The following PLXNB1 variants were observed in gnomAD, a reference collection of about 807,000 sequenced individuals.
PLXNB1 encodes plexin-B1.
Under a neutral mutation model 209.4 loss-of-function variants are expected in PLXNB1, and 106 were observed. The observed-to-expected ratio is 0.51, with a 90% CI of 0.43 to 0.59. PLXNB1 has a LOEUF of 0.59. PLXNB1 is among the 20% of genes least tolerant of loss of function. The pLI is 0.00. For missense variants in PLXNB1, 2,357 were observed against 2,853.2 expected (o/e 0.83, Z 3.96); for synonymous variants, 1,167 against 1,183.2 (o/e 0.99, Z 0.28).
rs60044671 is a variant in PLXNB1 at position 48,409,848 on chromosome 3, C to G, written c.5778+57G>C. On this transcript the variant is annotated intron_variant, in intron 32 of 37. Coordinates refer to ENST00000296440, the MANE Select transcript of PLXNB1 (RefSeq NM_001130082.3). This position sits in a 1 kb window ranked among gnomAD's most constrained non-coding sequence, Gnocchi z 5.8. ...AGCCCCACACCACCCCCAAATCCCA[C>G]GAGTGGCCATGCTCCCTCTCAGCCC... The G allele has an allele frequency of 6.3e-7, 1 of 1,580,172 alleles. No individual in the cohort carries two copies. The highest frequency in any genetic ancestry group is 1.1e-5 in the South Asian group (1 of 87,768).
chr3:48,414,973 C>A lies in PLXNB1; in HGVS notation c.4035G>T (p.Leu1345=). 1.9e-6 allele frequency: 3 copies of A among 1,613,834 alleles called. No individual in the cohort carries two copies. Among genetic ancestry groups the A allele is most frequent in the Non-Finnish European group, 2.5e-6 (3 of 1,180,040 alleles). ...CCACCCGGACCCAGGGGTCCTCAGG[C>A]AGGCCTGGGAGGGCAGGTGTGCGGC... ...ITCRTPALPG[L]PEDPWVRVEF... Residue 1345 remains leucine (L), a synonymous_variant, in exon 21 of 38, where the codon CTG becomes CTT. Coordinates refer to ENST00000296440, the MANE Select transcript of PLXNB1 (RefSeq NM_001130082.3).
chr3:48,415,873 G>A lies in PLXNB1; in HGVS notation c.3618-114C>T, dbSNP rs923522660. ...CTGCAGTCTCCACCAGGTGTCCCTGGAGGTGCACTCCCACCACAGCTGGCT... is the reference window on the plus strand; with the variant it reads ...CTGCAGTCTCCACCAGGTGTCCCTGAAGGTGCACTCCCACCACAGCTGGCT... On this transcript the variant is annotated intron_variant, in intron 18 of 37. Transcript: ENST00000296440. The surrounding 1 kb of genome is among the most constrained non-coding windows in gnomAD (Gnocchi z 5.0). The A allele has an allele frequency of 1.5e-6, 2 of 1,343,424 alleles. No individual in the cohort carries two copies. Among genetic ancestry groups the A allele is most frequent in the Admixed American group, 4.3e-5 (2 of 46,510 alleles). 83.2% of individuals were successfully genotyped at this position (1,343,424 alleles called of 1,614,324 possible). A position where few individuals can be genotyped will look rare whatever the true frequency, so the allele number is the denominator to read the frequency against.
intron 1 of PLXNB1, among the ~76,000 whole-genome samples, chr3:48,426,130 C>A (rs1207227421): frequency 6.6e-6 from 1 of 152,184 alleles, no homozygotes; most frequent in Non-Finnish European, 1.5e-5. Flanking sequence ...TCCTCTCCTG[C>A]AGTTCAGAAT....
chr3:48,415,916 T>G lies in PLXNB1; in HGVS notation c.3617+115A>C, dbSNP rs2038062045. The G allele has an allele frequency of 1.0e-5, 14 of 1,391,802 alleles. No homozygotes were observed. In the East Asian group the frequency reaches 3.5e-4, roughly 35 times the overall value. The allele number at this position is 1,391,802 out of a possible 1,614,324, so 86.2% of individuals were successfully genotyped here. On this transcript the variant is annotated intron_variant, in intron 18 of 37. Transcript: ENST00000296440. This position sits in a 1 kb window ranked among gnomAD's most constrained non-coding sequence, Gnocchi z 5.0. ...AGCTGGCTAGGGAGGGTCTGGCCAC[T>G]CTCTGAAGGAGCAGACTGGCCCTCT...
In PLXNB1 at chr3:48,418,099, T is replaced by C; in HGVS notation, c.3223-37A>G. 6.2e-7 allele frequency: 1 copy of C among 1,607,984 alleles called. No individual in the cohort carries two copies. The highest frequency in any genetic ancestry group is 8.5e-7 in the Non-Finnish European group (1 of 1,176,114). On this transcript the variant is annotated intron_variant, in intron 15 of 37. Transcript: ENST00000296440. The surrounding 1 kb of genome is among the most constrained non-coding windows in gnomAD (Gnocchi z 6.6). ...CAAGGACTGCTCACCTCTACTCAAC[T>C]GGAAAGGCAGCCCCAACCTCCCACC... is the stretch of plus-strand genomic sequence containing the variant.
chr3:48,422,801 G>A lies in PLXNB1; in HGVS notation c.1254C>T (p.Ile418=), dbSNP rs899231872. 8 of 1,613,984 alleles carry A rather than the reference G, an allele frequency of 5.0e-6. No individual in the cohort carries two copies. The South Asian group carries it at 5.5e-5, about 11-fold the overall frequency. The change falls in exon 4 of 38, where the codon ATC becomes ATT. Residue 418 remains isoleucine (I), a synonymous_variant. Transcript: ENST00000296440. ...VAVTMEDGHT[I]AFLGDSQGQL... is the part of the protein sequence containing the mutation. The stretch of plus-strand genomic sequence containing the variant: ...GCCCTTGACTATCACCCAGGAAAGC[G>A]ATGGTGTGTCCATCTTCCATGGTGA...
Position 48,429,860 on chromosome 3 carries a change from T to C in PLXNB1, c.-60+148A>G, listed in dbSNP as rs2039104328. 1 of 151,926 alleles carries C rather than the reference T, an allele frequency of 6.6e-6. No homozygotes were observed. The highest frequency in any genetic ancestry group is 6.6e-5 in the Admixed American group (1 of 15,262). 9.4% of individuals were successfully genotyped at this position (151,926 alleles called of 1,614,324 possible). On this transcript the variant is annotated intron_variant, in intron 1 of 37. Coordinates refer to ENST00000296440, the MANE Select transcript of PLXNB1 (RefSeq NM_001130082.3). This position sits in a 1 kb window ranked among gnomAD's most constrained non-coding sequence, Gnocchi z 6.4. ...GTGCTGGTGGAACAGCGTCCCGGCC[T>C]CTTCCCGCCCGTCCAGAGCCGGGTA...
chr3:48,405,667 T>C lies in PLXNB1; in HGVS notation c.6303+57A>G. On this transcript the variant is annotated intron_variant, in intron 37 of 37. Transcript: ENST00000296440. This position sits in a 1 kb window ranked among gnomAD's most constrained non-coding sequence, Gnocchi z 5.0. The stretch of plus-strand genomic sequence containing the variant: ...CGTGAGTCACAGGGTCAGAGCCCCT[T>C]AAGTCTCCTGGGAGGCCTTGGGTCA... The C allele has an allele frequency of 2.2e-6, 3 of 1,377,914 alleles. No individual in the cohort carries two copies. Among genetic ancestry groups the C allele is most frequent in the Admixed American group, 1.8e-5 (1 of 57,110 alleles). 85.4% of individuals were successfully genotyped at this position (1,377,914 alleles called of 1,614,324 possible).
Position 48,425,851 on chromosome 3 carries a change from C to T in PLXNB1, c.-59-518G>A, listed in dbSNP as rs564835898. On this transcript the variant is annotated intron_variant, in intron 1 of 37. Coordinates refer to ENST00000296440, the MANE Select transcript of PLXNB1 (RefSeq NM_001130082.3). ...ACACACACACAGAGAGAGAGAGATG[C>T]AGATGCCATCTATACACACAGCACA... Among the ~76,000 whole-genome samples, 9 of 151,228 alleles carry T rather than the reference C, an allele frequency of 6.0e-5. No individual in the cohort carries two copies. The South Asian group carries it at 1.7e-3, about 28-fold the overall frequency.
chr3:48,409,802 C>T lies in PLXNB1; in HGVS notation c.5779-71G>A. 1 of 1,582,520 alleles carries T rather than the reference C, an allele frequency of 6.3e-7. No homozygotes were observed. On this transcript the variant is annotated intron_variant, in intron 32 of 37. Coordinates refer to ENST00000296440, the MANE Select transcript of PLXNB1 (RefSeq NM_001130082.3). The surrounding 1 kb of genome is among the most constrained non-coding windows in gnomAD (Gnocchi z 5.8). ...CAGCAGCAGCCCAGCCTCAGACACC[C>T]CCCGGCACTGTGCCTGCACGAGCCC... is the stretch of plus-strand genomic sequence containing the variant.
intron 34 of PLXNB1, 130 bp from the exon 35 acceptor site, chr3:48,407,221 GC>G: frequency 1.2e-6 from 1 of 810,648 alleles, no homozygotes; most frequent in Non-Finnish European, 2.0e-6. Context: ...ATCCCAGGAA[GC>G]CCCTGAGTCC....
In PLXNB1 at chr3:48,417,838, A is replaced by C; in HGVS notation, c.3374+73T>G. On this transcript the variant is annotated intron_variant, in intron 16 of 37. Coordinates refer to ENST00000296440, the MANE Select transcript of PLXNB1 (RefSeq NM_001130082.3). This position sits in a 1 kb window ranked among gnomAD's most constrained non-coding sequence, Gnocchi z 4.4. ...GGGGGGCAGATGAGCGGTGGGTGGG[A>C]GGCCCCAAGCAGCAACGCCAACCGC... 3.5e-6 allele frequency: 5 copies of C among 1,448,996 alleles called. No homozygotes were observed. Among genetic ancestry groups the C allele is most frequent in the Non-Finnish European group, 3.8e-6 (4 of 1,057,420 alleles). The allele number at this position is 1,448,996 out of a possible 1,614,324, so 89.8% of individuals were successfully genotyped here. A position where few individuals can be genotyped will look rare whatever the true frequency, so the allele number is the denominator to read the frequency against.
chr3:48,409,825 C>A lies in PLXNB1; in HGVS notation c.5778+80G>T. 1.9e-6 allele frequency: 3 copies of A among 1,573,608 alleles called. No individual in the cohort carries two copies. Among genetic ancestry groups the A allele is most frequent in the Non-Finnish European group, 2.6e-6 (3 of 1,153,712 alleles). ...CCCCCCGGCACTGTGCCTGCACGAG[C>A]CCCACACCACCCCCAAATCCCACGA... is the stretch of plus-strand genomic sequence containing the variant. On this transcript the variant is annotated intron_variant, in intron 32 of 37. Coordinates refer to ENST00000296440, the MANE Select transcript of PLXNB1 (RefSeq NM_001130082.3). This position sits in a 1 kb window ranked among gnomAD's most constrained non-coding sequence, Gnocchi z 5.8.
In PLXNB1 at chr3:48,413,453, G is replaced by A. The variant is rs2037837263; in HGVS notation, c.4535+217C>T. ...TTTTATAAAGATTTGTTAGAACACAGCCACTTTCATGTGTTTCCATGTCGT... is the reference window on the plus strand; with the variant it reads ...TTTTATAAAGATTTGTTAGAACACAACCACTTTCATGTGTTTCCATGTCGT... On this transcript the variant is annotated intron_variant, in intron 23 of 37. Transcript: ENST00000296440. The surrounding 1 kb of genome is among the most constrained non-coding windows in gnomAD (Gnocchi z 5.4). The A allele has an allele frequency of 6.6e-6, 4 of 606,624 alleles. No individual in the cohort carries two copies. The highest frequency in any genetic ancestry group is 1.2e-5 in the Non-Finnish European group (4 of 345,456). The allele number at this position is 606,624 out of a possible 1,614,324, so 37.6% of individuals were successfully genotyped here.
rs1347346167 is a variant in PLXNB1 at position 48,415,204 on chromosome 3, G to C, written c.3938C>G (p.Ser1313Cys). The change falls in exon 20 of 38, where the codon TCC becomes TGC. Residue 1313 changes from serine (S) to cysteine (C), a missense_variant. Ser to Cys is a moderately radical substitution (Grantham distance 112, BLOSUM62 -1). Transcript: ENST00000296440. This position sits in a 1 kb window ranked among gnomAD's most constrained non-coding sequence, Gnocchi z 5.0. ...RRRVVPETACSLGPSCSSQQF... is the reference protein window; with the variant it reads ...RRRVVPETACCLGPSCSSQQF... ...CTGGCTACTGCAGGAGGGTCCAAGG[G>C]AACATGCCGTCTCCGGGACCACGCG... The C allele has an allele frequency of 1.2e-6, 2 of 1,613,428 alleles. No homozygotes were observed. The highest frequency in any genetic ancestry group is 1.7e-6 in the Non-Finnish European group (2 of 1,179,958).
chr3:48,418,592 G>A lies in PLXNB1; in HGVS notation c.2956-50C>T, dbSNP rs1488447372. 6.8e-7 allele frequency: 1 copy of A among 1,469,802 alleles called. No homozygotes were observed. Among genetic ancestry groups the A allele is most frequent in the South Asian group, 1.2e-5 (1 of 83,298 alleles). The allele number at this position is 1,469,802 out of a possible 1,614,324, so 91.0% of individuals were successfully genotyped here. Reference sequence around the variant, plus strand: ...AGTCAAGCACTGGGGGAAGTGTCAGGCCTGGGGAGGGGTTAGTCAGAGAAA... The same window carrying A: ...AGTCAAGCACTGGGGGAAGTGTCAGACCTGGGGAGGGGTTAGTCAGAGAAA... On this transcript the variant is annotated intron_variant, in intron 13 of 37. Coordinates refer to ENST00000296440, the MANE Select transcript of PLXNB1 (RefSeq NM_001130082.3). The surrounding 1 kb of genome is among the most constrained non-coding windows in gnomAD (Gnocchi z 6.6).
chr3:48,417,922 C>G lies in PLXNB1; in HGVS notation c.3363G>C (p.Glu1121Asp). The G allele has an allele frequency of 6.2e-7, 1 of 1,610,732 alleles. No individual in the cohort carries two copies. The highest frequency in any genetic ancestry group is 8.5e-7 in the Non-Finnish European group (1 of 1,178,184). ...VPCAVDAQEY[E>D]VSSSLVCITG... is the part of the protein sequence containing the mutation. ...TGCAGCCAGCTTACCTGCTGGAGAC[C>G]TCGTACTCCTGGGCATCCACAGCAC... The change falls in exon 16 of 38, where the codon GAG (glutamate) becomes GAC (aspartate). Residue 1121 changes from glutamate (E) to aspartate (D), a missense_variant. Glu to Asp is a conservative substitution (Grantham distance 45). Transcript: ENST00000296440. This position sits in a 1 kb window ranked among gnomAD's most constrained non-coding sequence, Gnocchi z 4.4.
chr3:48,426,816 C>T (rs974735231), intron 1 of PLXNB1, among the ~76,000 whole-genome samples: 3 of 152,180 alleles, frequency 2.0e-5, no homozygotes, highest in African/African-American at 7.2e-5. Context: ...AGTCTCGAAC[C>T]CGGCCAGGAT....
chr3:48,420,296 A>G, intron 10 of PLXNB1, 39 bp from the exon 11 acceptor site: 1 of 1,285,428 alleles, frequency 7.8e-7, no homozygotes, highest in East Asian at 2.5e-5. Flanking sequence ...AGGGCCACTC[A>G]GCAGGCAGGC....
Sources: gnomAD v4.1 joint callset for allele counts (sites outside exome capture counted in the v4.1 genomes callset) on GRCh38, gnomAD v4.1.1 for gene constraint, Gnocchi (gnomAD v3.1) non-coding constraint, MANE v1.5 for transcripts, NCBI Gene and HGNC (gene_info 2026-07-23, HGNC 2026-07-21) for gene names.